SCFD2: variants seen among roughly 807,000 people sequenced by gnomAD.
SCFD2 encodes sec1 family domain containing 2.
Under a neutral mutation model 58.9 loss-of-function variants are expected in SCFD2, and 54 were observed. That is an observed-to-expected ratio of 0.92 (90% CI 0.74 to 1.15). The LOEUF is 1.15. Ranked by LOEUF, SCFD2 falls within the 50% of genes most tolerant of loss-of-function variation. The probability of loss-of-function intolerance (pLI) is 0.00; values close to 1 mark genes in which losing one functional copy is unlikely to be tolerated. For missense variants in SCFD2, 805 were observed against 836.6 expected (o/e 0.96, Z 0.47); for synonymous variants, 321 against 335.9 (o/e 0.96, Z 0.49).
chr4:52,999,208 T>C (rs1721809579), intron 5 of SCFD2, among the ~76,000 whole-genome samples: 1 of 152,360 alleles, frequency 6.6e-6, no homozygotes, highest in South Asian at 2.1e-4. Flanking sequence ...TGATTGCCTA[T>C]ACCCTAAAAC....
chr4:52,942,622 GT>G (rs2109515839), intron 5 of SCFD2, among the ~76,000 whole-genome samples: 1 of 152,270 alleles, frequency 6.6e-6, no homozygotes, highest in South Asian at 2.1e-4. Flanking sequence ...GAATAAATGA[GT>G]TACTATATGG....
Position 52,907,649 on chromosome 4 carries a change from A to G in SCFD2, c.1708-58T>C, listed in dbSNP as rs1719379967. On this transcript the variant is annotated intron_variant, in intron 6 of 8. Transcript: ENST00000401642. ...TGTTTGGTTTGTCTGGAGAGAGGAC[A>G]GCTTTATCTGCAATGAAGAAAGCAA... The G allele has an allele frequency of 5.1e-6, 8 of 1,556,734 alleles. No individual in the cohort carries two copies. The East Asian group carries it at 1.6e-4, about 31-fold the overall frequency.
At chr4:53,351,510 GAAT>G (rs1734219736) in intron 2 of SCFD2, among the ~76,000 whole-genome samples, 1 of 152,160 alleles carries the variant, frequency 6.6e-6, no homozygotes. Context: ...AAGAGTGTTT[GAAT>G]AATAATATAT....
intron 5 of SCFD2, among the ~76,000 whole-genome samples, chr4:53,066,641 C>T (rs1347925871): frequency 6.6e-6 from 1 of 151,836 alleles, no homozygotes; most frequent in Non-Finnish European, 1.5e-5. Context: ...TGATCTGGGC[C>T]CCCACCCAAC....
intron 5 of SCFD2, among the ~76,000 whole-genome samples, chr4:52,937,508 G>A (rs10004829): frequency 0.047 from 7,085 of 152,294 alleles, 191 homozygotes; most frequent in South Asian, 0.12. Context: ...GAGCACACAA[G>A]CTCTGCACTT....
intron 4 of SCFD2, among the ~76,000 whole-genome samples, chr4:53,202,546 T>C: frequency 6.6e-6 from 1 of 152,016 alleles, no homozygotes; most frequent in Non-Finnish European, 1.5e-5. Context: ...AAAGTAGTTT[T>C]TTCCAATTCT....
chr4:52,916,070 A>G (rs1304755173), intron 6 of SCFD2, among the ~76,000 whole-genome samples: 1 of 152,218 alleles, frequency 6.6e-6, no homozygotes, highest in Non-Finnish European at 1.5e-5. Context: ...CCTGCTCTTC[A>G]AGATGCATGC....
chr4:53,020,716 C>T (rs578082682), intron 5 of SCFD2, among the ~76,000 whole-genome samples: 1 of 152,156 alleles, frequency 6.6e-6, no homozygotes, highest in South Asian at 2.1e-4. Context: ...TGTGACTGAC[C>T]GAGGGTACAA....
At chr4:53,212,575 C>CGTGTGTGTGTGTGTGTGTGT (rs72335886) in intron 4 of SCFD2, among the ~76,000 whole-genome samples, 8 of 142,176 alleles carry the variant, frequency 5.6e-5, no homozygotes, top group South Asian at 2.4e-4. Context: ...AAAGTGAGCA[C>CGTGTGTGTGTGTGTGTGTGT]GTGTGTGTGT....
intron 5 of SCFD2, among the ~76,000 whole-genome samples, chr4:53,112,871 T>C (rs753235936): frequency 2.0e-5 from 3 of 152,184 alleles, no homozygotes; most frequent in Non-Finnish European, 2.9e-5. Flanking sequence ...GGCTTCCTCA[T>C]TGGCTTTTCC....
intron 5 of SCFD2, among the ~76,000 whole-genome samples, chr4:52,979,947 A>C (rs1351709): frequency 6.6e-6 from 1 of 152,010 alleles, no homozygotes; most frequent in South Asian, 2.1e-4. Flanking sequence ...TTAGGTTCTC[A>C]TCACCTCTGG....
chr4:52,930,562 A>G (rs893765910), intron 5 of SCFD2, among the ~76,000 whole-genome samples: 1 of 152,196 alleles, frequency 6.6e-6, no homozygotes, highest in African/African-American at 2.4e-5. Context: ...TCACGAAAAC[A>G]ACGAAATAAC....
intron 3 of SCFD2, among the ~76,000 whole-genome samples, chr4:53,301,757 T>C (rs1311674015): frequency 2.0e-5 from 3 of 152,142 alleles, no homozygotes; most frequent in Non-Finnish European, 2.9e-5. Flanking sequence ...TCCACCATGA[T>C]CAAGTGGGCT....
chr4:53,223,468 A>G (rs1308002741), intron 4 of SCFD2, among the ~76,000 whole-genome samples: 2 of 152,188 alleles, frequency 1.3e-5, no homozygotes, highest in African/African-American at 2.4e-5. Context: ...CCACAAACAC[A>G]TGCCTTACAG....
Position 52,873,976 on chromosome 4 carries a change from C to G in SCFD2, c.2048G>C (p.Gly683Ala). ...FATDRLHPDL[G>A]F ...TATCTTCTTAGCGGATGCTCAGAAG[C>G]CAAGGTCTGGATGCAGTCGGTCAGT... Residue 683 changes from glycine to alanine, a missense_variant, in exon 9 of 9, where the codon GGC becomes GCC. Around this residue, in one of 3 missense-constraint regions of SCFD2, gnomAD observed 633 missense variants for 646.8 expected, o/e 0.98. Transcript: ENST00000401642. 6.2e-7 allele frequency: 1 copy of G among 1,613,370 alleles called. No individual in the cohort carries two copies. The highest frequency in any genetic ancestry group is 1.1e-5 in the South Asian group (1 of 91,060).
chr4:52,920,939 C>A, intron 5 of SCFD2, 69 bp from the exon 6 acceptor site: 4 of 946,744 alleles, frequency 4.2e-6, no homozygotes, highest in South Asian at 3.9e-5. Context: ...AGCTTGAGCT[C>A]GATGTAATGT....
Position 53,217,429 on chromosome 4 carries a change from C to T in SCFD2, c.1311+56397G>A, listed in dbSNP as rs553128295. ...CCTTGTCTCTTTTGATCTTTGTTGG[C>T]TTAAAGTCTGTTTTATCAGAGATTA... On this transcript the variant is annotated intron_variant, in intron 4 of 8. Transcript: ENST00000401642. 3.5e-3 allele frequency among the ~76,000 whole-genome samples: 536 copies of T among 152,202 alleles called. 5 individuals carry two copies. The highest frequency in any genetic ancestry group is 0.013 in the African/African-American group (521 of 41,526).
chr4:53,019,519 C>T (rs576777687), intron 5 of SCFD2, among the ~76,000 whole-genome samples: 16 of 152,112 alleles, frequency 1.1e-4, no homozygotes, highest in South Asian at 1.0e-3. Context: ...ATACCATTGG[C>T]CTGATTATAA....
intron 5 of SCFD2, among the ~76,000 whole-genome samples, chr4:52,988,881 T>C (rs1721557888): frequency 6.6e-6 from 1 of 152,230 alleles, no homozygotes; most frequent in Non-Finnish European, 1.5e-5. Context: ...ATATTAATAC[T>C]TCTTTTTTAC....
Sources: gnomAD v4.1 joint callset for allele counts (sites outside exome capture counted in the v4.1 genomes callset) on GRCh38, gnomAD v4.1.1 for gene constraint, gnomAD v4.1.1 regional missense constraint, MANE v1.5 for transcripts, NCBI Gene and HGNC (gene_info 2026-07-23, HGNC 2026-07-21) for gene names.